The following LRRC72 variants were observed in gnomAD, a reference collection of about 807,000 sequenced individuals.
LRRC72 encodes the protein leucine rich repeat containing 72, also known as leucine-rich repeat-containing protein 72.
LRRC72 carries 41 observed loss-of-function variants against 35.8 expected under a neutral mutation model. That is an observed-to-expected ratio of 1.15 (90% confidence interval 0.89 to 1.49). LRRC72 has a LOEUF of 1.49. LRRC72 is among the 40% of genes most tolerant of loss of function. The pLI, the probability that LRRC72 is intolerant of heterozygous loss-of-function variation, is 0.00. For synonymous variants in LRRC72, 118 were observed against 119.2 expected (o/e 0.99, Z 0.07); for missense variants, 389 against 330.7 (o/e 1.18, Z -1.37).
Position 16,567,552 on chromosome 7 carries a change from TAAAA to T in LRRC72, c.670+23_670+26del. ...CCAGAGAGTACCTTCAGGTATTTCG[TAAAA>T]AAAAAAAAAAAAACAAATTTAATGA... On this transcript the variant is annotated intron_variant, in intron 7 of 8. Coordinates refer to ENST00000401542, the MANE Select transcript of LRRC72 (RefSeq NM_001195280.2). 52 of 1,091,086 alleles carry T rather than the reference TAAAA, an allele frequency of 4.8e-5. No homozygotes were observed. The highest frequency in any genetic ancestry group is 3.4e-4 in the South Asian group (9 of 26,462). The allele number at this position is 1,091,086 out of a possible 1,614,324, so 67.6% of individuals were successfully genotyped here. A position where few individuals can be genotyped will look rare whatever the true frequency, so the allele number is the denominator to read the frequency against.
chr7:16,545,798 T>C (rs1009959355), intron 3 of LRRC72, among the ~76,000 whole-genome samples: 1 of 152,140 alleles, frequency 6.6e-6, no homozygotes, highest in Non-Finnish European at 1.5e-5. Context: ...GGTTGTGAAA[T>C]TTGAAGATAT....
Position 16,576,922 on chromosome 7 carries a change from A to T in LRRC72, c.671-3152A>T, listed in dbSNP as rs186920777. On this transcript the variant is annotated intron_variant, in intron 7 of 8. Coordinates refer to ENST00000401542, the MANE Select transcript of LRRC72 (RefSeq NM_001195280.2). ...GCCAAAAAGGAAGACCAGGCAGACT[A>T]TTTAACAAACAGCAATTCACCAAAG... 1.2e-4 allele frequency among the ~76,000 whole-genome samples: 19 copies of T among 152,332 alleles called. No individual in the cohort carries two copies. The East Asian group carries it at 3.3e-3, about 26-fold the overall frequency.
intron 8 of LRRC72, among the ~76,000 whole-genome samples, chr7:16,580,511 G>A (rs1783122139): frequency 6.6e-6 from 1 of 152,102 alleles, no homozygotes; most frequent in South Asian, 2.1e-4. Flanking sequence ...TGGCATGGTG[G>A]CAGGCGCCTA....
At chr7:16,560,239 TGA>T (rs1338971073) in intron 5 of LRRC72, among the ~76,000 whole-genome samples, 1 of 152,202 alleles carries the variant, frequency 6.6e-6, no homozygotes, top group African/African-American at 2.4e-5. Context: ...CAGAATTGCC[TGA>T]GACAGTGTTT....
intron 3 of LRRC72, among the ~76,000 whole-genome samples, chr7:16,551,550 T>C (rs369255359): frequency 4.6e-5 from 7 of 152,130 alleles, no homozygotes; most frequent in South Asian, 2.1e-4. Context: ...GAAGGTTAAA[T>C]TGATCACCAA....
chr7:16,549,678 T>A (rs1034110617), intron 3 of LRRC72, among the ~76,000 whole-genome samples: 1 of 152,196 alleles, frequency 6.6e-6, no homozygotes, highest in Non-Finnish European at 1.5e-5. Context: ...AGGTCATGAA[T>A]CCATGCCCTC....
intron 3 of LRRC72, among the ~76,000 whole-genome samples, chr7:16,552,910 T>C (rs1264374653): frequency 1.3e-5 from 2 of 152,226 alleles, no homozygotes; most frequent in African/African-American, 4.8e-5. Flanking sequence ...TACCATGTAG[T>C]AGCTGTATAA....
chr7:16,573,659 T>G (rs1782987558), intron 7 of LRRC72, among the ~76,000 whole-genome samples: 1 of 152,160 alleles, frequency 6.6e-6, no homozygotes, highest in Non-Finnish European at 1.5e-5. Flanking sequence ...TAACTCAAGA[T>G]GGATTAGAGA....
chr7:16,568,495 C>T (rs560030934), intron 7 of LRRC72, among the ~76,000 whole-genome samples: 77 of 152,154 alleles, frequency 5.1e-4, no homozygotes, highest in Middle Eastern at 3.4e-3. Context: ...AAAGGAGAGA[C>T]ATTAGAAAGA....
At chr7:16,565,793 G>C (rs973936132) in intron 5 of LRRC72, among the ~76,000 whole-genome samples, 1 of 152,200 alleles carries the variant, frequency 6.6e-6, no homozygotes, top group Non-Finnish European at 1.5e-5. Context: ...GTCCTGCTGA[G>C]ATCTGAAGCT....
At position 16,541,134 on chromosome 7, in the gene LRRC72, G is replaced by A. The variant is rs115511815; in HGVS notation, c.234+3438G>A. Among the ~76,000 whole-genome samples, 586 of 152,264 alleles carry A rather than the reference G, an allele frequency of 3.8e-3. 5 individuals are homozygous for A. The highest frequency in any genetic ancestry group is 0.014 in the African/African-American group (561 of 41,548). On this transcript the variant is annotated intron_variant, in intron 3 of 8. Coordinates refer to ENST00000401542, the MANE Select transcript of LRRC72 (RefSeq NM_001195280.2). Reference sequence around the variant, plus strand: ...ATCAAAGCTTTATCCAAGCAAAAGAGCAAGACCGAACTAAAATTCAAACCC... The same window carrying A: ...ATCAAAGCTTTATCCAAGCAAAAGAACAAGACCGAACTAAAATTCAAACCC...
Position 16,567,390 on chromosome 7 carries a change from G to T in LRRC72, c.518-1G>T. 6.8e-7 allele frequency: 1 copy of T among 1,469,766 alleles called. No individual in the cohort carries two copies. Among genetic ancestry groups the T allele is most frequent in the African/African-American group, 1.4e-5 (1 of 69,770 alleles). 91.0% of individuals were successfully genotyped at this position (1,469,766 alleles called of 1,614,324 possible). A position where few individuals can be genotyped will look rare whatever the true frequency, so the allele number is the denominator to read the frequency against. On this transcript the variant is annotated splice_acceptor_variant, in intron 6 of 8. Transcript: ENST00000401542. LOFTEE classifies it high-confidence loss of function. Reference sequence around the variant, plus strand: ...ATAACATTACTTTTTGCATTTATCAGAAGTTACAGAAAAAGAAAGAAGATC... The same window carrying T: ...ATAACATTACTTTTTGCATTTATCATAAGTTACAGAAAAAGAAAGAAGATC...
At chr7:16,558,455 C>T (rs13228107) in intron 4 of LRRC72, among the ~76,000 whole-genome samples, 35,598 of 151,914 alleles carry the variant, frequency 0.23, 5,036 homozygotes, top group African/African-American at 0.37. Context: ...ACTAAAAATA[C>T]AAAAATGAGC....
chr7:16,532,894 G>A, intron 2 of LRRC72: 1 of 319,282 alleles, frequency 3.1e-6, no homozygotes. Flanking sequence ...AGTTGAATTT[G>A]AATTTCATAG....
intron 5 of LRRC72, among the ~76,000 whole-genome samples, chr7:16,564,875 T>C (rs937681411): frequency 2.6e-5 from 4 of 152,230 alleles, no homozygotes; most frequent in Non-Finnish European, 5.9e-5. Context: ...ATCTTCTTTA[T>C]GTTACAAACT....
intron 7 of LRRC72, among the ~76,000 whole-genome samples, chr7:16,570,063 T>C (rs919813278): frequency 7.2e-5 from 11 of 151,882 alleles, no homozygotes; most frequent in Non-Finnish European, 1.6e-4. Flanking sequence ...AGAATTCACA[T>C]AAGCCTCTTG....
At chr7:16,550,056 G>A (rs1782522035) in intron 3 of LRRC72, among the ~76,000 whole-genome samples, 1 of 151,938 alleles carries the variant, frequency 6.6e-6, no homozygotes, top group Non-Finnish European at 1.5e-5. Flanking sequence ...ACATCTCTAT[G>A]AAAATTTTTT....
At chr7:16,566,657 TCTGGTC>T (rs773955523) in intron 6 of LRRC72, among the ~76,000 whole-genome samples, 1 of 152,188 alleles carries the variant, frequency 6.6e-6, no homozygotes, top group Non-Finnish European at 1.5e-5. Flanking sequence ...AAGTATTCCT[TCTGGTC>T]CTGGTTTTGA....
intron 7 of LRRC72, among the ~76,000 whole-genome samples, chr7:16,569,974 G>A (rs1390986909): frequency 6.6e-6 from 1 of 151,612 alleles, no homozygotes; most frequent in Non-Finnish European, 1.5e-5. Flanking sequence ...AGGTTGCAGC[G>A]AGCCGAGATC....
Sources: gnomAD v4.1 joint callset for allele counts (sites outside exome capture counted in the v4.1 genomes callset) on GRCh38, gnomAD v4.1.1 for gene constraint, MANE v1.5 for transcripts, NCBI Gene and HGNC (gene_info 2026-07-23, HGNC 2026-07-21) for gene names.